PPFIBP2: variants seen among roughly 807,000 people sequenced by gnomAD.
The protein encoded by PPFIBP2 is PPFIB scaffold protein 2, also known as liprin-beta-2.
A neutral mutation model predicts 118.3 loss-of-function variants in PPFIBP2; 118 were observed. The observed-to-expected ratio is 1.00, with a 90% CI of 0.86 to 1.16. The LOEUF (loss-of-function observed/expected upper bound fraction) is 1.16, where lower values mean the gene tolerates loss of function less well. Among genes scored for constraint, PPFIBP2 ranks in the 50% most tolerant of loss-of-function variants. The probability of loss-of-function intolerance (pLI) is 0.00; values close to 1 mark genes in which losing one functional copy is unlikely to be tolerated. For synonymous variants in PPFIBP2, 414 were observed against 397.4 expected (o/e 1.04, Z -0.50); for missense variants, 1,195 against 1,073.1 (o/e 1.11, Z -1.59).
chr11:7,653,251 G>C lies in PPFIBP2; in HGVS notation c.*33G>C. 2 of 1,613,146 alleles carry C rather than the reference G, an allele frequency of 1.2e-6. No individual in the cohort carries two copies. The highest frequency in any genetic ancestry group is 1.7e-6 in the Non-Finnish European group (2 of 1,179,848). On this transcript the variant is annotated 3_prime_UTR_variant, in exon 24 of 24. Coordinates refer to ENST00000299492, the MANE Select transcript of PPFIBP2 (RefSeq NM_003621.5). ...GTCACCTGCCCTCTGTGCACCCTGAGAGCTCACAGTAACACTGTGTGTGTC... is the reference window on the plus strand; with the variant it reads ...GTCACCTGCCCTCTGTGCACCCTGACAGCTCACAGTAACACTGTGTGTGTC...
chr11:7,648,929 T>C lies in PPFIBP2; in HGVS notation c.1909+18T>C, dbSNP rs4421737. The C allele has an allele frequency of 0.15, 235,702 of 1,594,726 alleles. 21,691 individuals are homozygous for C. The highest frequency in any genetic ancestry group is 0.54 in the East Asian group (24,273 of 44,758). The stretch of plus-strand genomic sequence containing the variant: ...GGTGACAAGTAAGGATAGGCATATA[T>C]GTATTAAGAATGTCTCTGGCAGCAA... On this transcript the variant is annotated intron_variant, in intron 19 of 23. Coordinates refer to ENST00000299492, the MANE Select transcript of PPFIBP2 (RefSeq NM_003621.5).
intron 3 of PPFIBP2, among the ~76,000 whole-genome samples, chr11:7,580,209 A>G (rs547532046): frequency 1.3e-5 from 2 of 152,156 alleles, no homozygotes; most frequent in African/African-American, 4.8e-5. Context: ...ATCCACTTCA[A>G]CTGACTCCAT....
chr11:7,623,649 C>G (rs1468314095), intron 7 of PPFIBP2, among the ~76,000 whole-genome samples: 1 of 152,180 alleles, frequency 6.6e-6, no homozygotes, highest in Admixed American at 6.5e-5. Context: ...TAGATTCTCT[C>G]TTGATCGGTC....
chr11:7,569,893 C>T (rs564076025), intron 3 of PPFIBP2, among the ~76,000 whole-genome samples: 12 of 152,224 alleles, frequency 7.9e-5, no homozygotes, highest in African/African-American at 1.4e-4. Flanking sequence ...ATGATGCCCT[C>T]GGGAGGGTGT....
chr11:7,629,465 C>T lies in PPFIBP2; in HGVS notation c.895C>T (p.Arg299Trp), dbSNP rs201409852. 8.1e-6 allele frequency: 13 copies of T among 1,613,890 alleles called. No homozygotes were observed. The highest frequency in any genetic ancestry group is 2.2e-5 in the East Asian group (1 of 44,878). Residue 299 changes from arginine to tryptophan, a missense_variant, in exon 10 of 24, where the codon CGG becomes TGG. Arg to Trp is a moderately radical substitution (Grantham distance 101). Transcript: ENST00000299492. Reference sequence around the variant, plus strand: ...TCTACTTGCACTATGGCAGGACCGTCGGATAGAGGAGCTTACGGGGCTGTT... The same window carrying T: ...TCTACTTGCACTATGGCAGGACCGTTGGATAGAGGAGCTTACGGGGCTGTT... ...LLLANEDKDR[R>W]IEELTGLLNQ...
Position 7,653,491 on chromosome 11 carries a change from T to G in PPFIBP2, c.*273T>G, listed in dbSNP as rs757883521. On this transcript the variant is annotated 3_prime_UTR_variant, in exon 24 of 24. Coordinates refer to ENST00000299492, the MANE Select transcript of PPFIBP2 (RefSeq NM_003621.5). ...TTTACATGTCTAGTAATTCTTGATG[T>G]TCATCTTCAGCACCAGTGGAAACAC... The G allele has an allele frequency of 7.0e-7, 1 of 1,418,668 alleles. No homozygotes were observed. The highest frequency in any genetic ancestry group is 9.3e-7 in the Non-Finnish European group (1 of 1,072,962). 87.9% of individuals were successfully genotyped at this position (1,418,668 alleles called of 1,614,324 possible).
downstream of PPFIBP2, among the ~76,000 whole-genome samples, chr11:7,655,768 G>A (rs1854627628): frequency 6.6e-6 from 1 of 151,768 alleles, no homozygotes; most frequent in South Asian, 2.1e-4. Context: ...CTAGATCTCA[G>A]GTCCTCTTCC....
At chr11:7,555,553 T>G (rs11041445) in intron 2 of PPFIBP2, among the ~76,000 whole-genome samples, 13,052 of 152,226 alleles carry the variant, frequency 0.086, 581 homozygotes, top group South Asian at 0.16. Context: ...GCATATAGCA[T>G]TCATCAGTAT....
chr11:7,663,857 G>A, the PPFIBP2 span, among the ~76,000 whole-genome samples: 28 of 152,320 alleles, frequency 1.8e-4, no homozygotes, highest in Non-Finnish European at 3.1e-4. Context: ...ATGGTGCGCC[G>A]TTTTTTAAGC....
intron 1 of PPFIBP2, among the ~76,000 whole-genome samples, chr11:7,517,969 A>G (rs1849386636): frequency 6.6e-6 from 1 of 152,162 alleles, no homozygotes; most frequent in Admixed American, 6.5e-5. Flanking sequence ...TTACCTGGGT[A>G]TGGGCATTGT....
chr11:7,630,595 A>C (rs901894557), intron 10 of PPFIBP2, among the ~76,000 whole-genome samples: 2 of 152,236 alleles, frequency 1.3e-5, no homozygotes, highest in African/African-American at 4.8e-5. Context: ...TACAGGCGTG[A>C]GCCAAAGCAC....
intron 11 of PPFIBP2, 147 bp downstream of exon 11, chr11:7,631,175 G>A (rs1167926334): frequency 1.2e-5 from 8 of 642,426 alleles, no homozygotes; most frequent in Non-Finnish European, 1.9e-5. Context: ...AGGCTGTGAT[G>A]GGGATGGGCG....
At chr11:7,557,322 C>A (rs1853747612) in intron 2 of PPFIBP2, among the ~76,000 whole-genome samples, 1 of 151,142 alleles carries the variant, frequency 6.6e-6, no homozygotes, top group African/African-American at 2.4e-5. Flanking sequence ...TCTTCCTTTT[C>A]TCCTTTAATT....
intron 3 of PPFIBP2, among the ~76,000 whole-genome samples, chr11:7,566,736 C>G (rs1273382646): frequency 2.9e-5 from 3 of 105,032 alleles, no homozygotes; most frequent in African/African-American, 6.2e-5. Flanking sequence ...TTTATTTGTA[C>G]AAATTGTGGG....
At position 7,621,848 on chromosome 11, in the gene PPFIBP2, T is replaced by C. The variant is rs184551760; in HGVS notation, c.711+821T>C. 3.3e-5 allele frequency among the ~76,000 whole-genome samples: 5 copies of C among 152,352 alleles called. No homozygotes were observed. The East Asian group carries it at 9.6e-4, about 29-fold the overall frequency. On this transcript the variant is annotated intron_variant, in intron 7 of 23. Coordinates refer to ENST00000299492, the MANE Select transcript of PPFIBP2 (RefSeq NM_003621.5). Reference sequence around the variant, plus strand: ...TTTTTATTAGAGTTTTCTTAACTTCTAGTTTGTATTTTTATTTTTTGTGCA... The same window carrying C: ...TTTTTATTAGAGTTTTCTTAACTTCCAGTTTGTATTTTTATTTTTTGTGCA...
At chr11:7,662,518 C>T in the PPFIBP2 span, among the ~76,000 whole-genome samples, 1 of 151,482 alleles carries the variant, frequency 6.6e-6, no homozygotes, top group Admixed American at 6.6e-5. Flanking sequence ...GAGAGATCCG[C>T]TGTTAGTCTG....
intron 1 of PPFIBP2, among the ~76,000 whole-genome samples, chr11:7,514,874 T>C (rs947137469): frequency 6.6e-6 from 1 of 152,260 alleles, no homozygotes; most frequent in Non-Finnish European, 1.5e-5. Flanking sequence ...TTTTTACTTT[T>C]AGAGCAGCCA....
chr11:7,556,256 C>G (rs553921118), intron 2 of PPFIBP2, among the ~76,000 whole-genome samples: 1 of 152,048 alleles, frequency 6.6e-6, no homozygotes, highest in Non-Finnish European at 1.5e-5. Context: ...GAGATTGAGA[C>G]CATCCTGGCT....
chr11:7,520,486 G>A (rs1849657496), intron 1 of PPFIBP2, among the ~76,000 whole-genome samples: 1 of 151,618 alleles, frequency 6.6e-6, no homozygotes, highest in South Asian at 2.1e-4. Flanking sequence ...TTTAGAAGTG[G>A]TTTTTTACTT....
Sources: allele counts gnomAD v4.1 joint callset (sites outside exome capture counted in the v4.1 genomes callset), GRCh38; gene constraint gnomAD v4.1.1; transcripts MANE v1.5; gene names NCBI Gene and HGNC (gene_info 2026-07-23, HGNC 2026-07-21).